Variants in HDGFL2 observed in about 807,000 individuals in gnomAD.
The protein encoded by HDGFL2 is hepatoma-derived growth factor-related protein 2.
Under a neutral mutation model 77.1 loss-of-function variants are expected in HDGFL2, and 36 were observed. The ratio of observed to expected loss-of-function variants is 0.47; its 90% CI spans 0.36 to 0.62. HDGFL2 has a LOEUF of 0.62. Among genes scored for constraint, HDGFL2 ranks in the 20% least tolerant of loss-of-function variants. The probability of loss-of-function intolerance (pLI) is 0.00; values close to 1 mark genes in which losing one functional copy is unlikely to be tolerated. For missense variants in HDGFL2, 976 were observed against 973.4 expected (o/e 1.00, Z -0.04); for synonymous variants, 463 against 413.1 (o/e 1.12, Z -1.46).
intron 12 of HDGFL2, 137 bp downstream of exon 12, chr19:4,498,513 T>C: frequency 1.4e-6 from 1 of 718,436 alleles, no homozygotes; most frequent in South Asian, 1.6e-5. Context: ...CGGTTGCTAG[T>C]GAGCGCATGG....
chr19:4,491,899 T>C (rs990318777), intron 6 of HDGFL2, 64 bp downstream of exon 6: 2 of 1,440,744 alleles, frequency 1.4e-6, no homozygotes, highest in Non-Finnish European at 1.9e-6. Flanking sequence ...TCTCCAGTGC[T>C]GTCCCCAGGG....
Position 4,494,042 on chromosome 19 carries a change from G to A in HDGFL2, c.899G>A (p.Ser300Asn), listed in dbSNP as rs919961927. 1.9e-5 allele frequency: 30 copies of A among 1,609,110 alleles called. No homozygotes were observed. The highest frequency in any genetic ancestry group is 2.5e-5 in the Non-Finnish European group (29 of 1,178,360). Residue 300 changes from serine to asparagine, a missense_variant, in exon 8 of 16, where the codon AGC becomes AAC. Around this residue, in one of 5 missense-constraint regions of HDGFL2, gnomAD observed 567 missense variants for 534.7 expected, o/e 1.06. Transcript: ENST00000616600. The part of the protein sequence containing the change: ...RKPKPERPPS[S>N]SSSDSDSDEV... Reference sequence around the variant, plus strand: ...CCGAAGCCTGAACGGCCTCCGTCCAGCTCCAGCAGTGACAGGTGGGTGCTG... The same window carrying A: ...CCGAAGCCTGAACGGCCTCCGTCCAACTCCAGCAGTGACAGGTGGGTGCTG...
chr19:4,483,892 C>T lies in HDGFL2; in HGVS notation c.289-4784C>T, dbSNP rs557738395. On this transcript the variant is annotated intron_variant, in intron 3 of 15. Transcript: ENST00000616600. ...GCAACCTCTGCCTCTCGTGTTCAAG[C>T]GATTCTCCTGCCTCAGCCTCCTGAG... 8.7e-5 allele frequency among the ~76,000 whole-genome samples: 13 copies of T among 148,732 alleles called. No homozygotes were observed. In the East Asian group the frequency reaches 1.6e-3, roughly 18 times the overall value.
intron 3 of HDGFL2, among the ~76,000 whole-genome samples, chr19:4,479,398 T>A (rs958972299): frequency 1.3e-5 from 2 of 149,256 alleles, no homozygotes; most frequent in Non-Finnish European, 3.0e-5. Flanking sequence ...CCTGGCTAAC[T>A]TGGTGAAACC....
At chr19:4,497,020 A>G (rs980609247) in intron 10 of HDGFL2, 4 of 381,176 alleles carry the variant, frequency 1.0e-5, no homozygotes, top group Non-Finnish European at 2.1e-5. Context: ...GATTACAGGC[A>G]CCCGCCACCA....
At position 4,475,523 on chromosome 19, in the gene HDGFL2, C is replaced by T; in HGVS notation, c.228C>T (p.Gly76=). 6.2e-7 allele frequency: 1 copy of T among 1,603,172 alleles called. No individual in the cohort carries two copies. The highest frequency in any genetic ancestry group is 8.5e-7 in the Non-Finnish European group (1 of 1,177,224). Residue 76 remains glycine (G), a synonymous_variant, in exon 3 of 16, where the codon GGC becomes GGT. Transcript: ENST00000616600. Reference sequence around the variant, plus strand: ...ACGGGAAGCCCAACAAGAGGAAAGGCTTCAATGAAGGGCTGTGGGAGATCC... The same window carrying T: ...ACGGGAAGCCCAACAAGAGGAAAGGTTTCAATGAAGGGCTGTGGGAGATCC... The part of the protein sequence containing the change: ...DKYGKPNKRK[G]FNEGLWEIQN...
At chr19:4,501,745 A>T in intron 15 of HDGFL2, 166 bp from the exon 16 acceptor site, 1 of 548,304 alleles carries the variant, frequency 1.8e-6, no homozygotes, top group East Asian at 3.2e-5. Flanking sequence ...GACCCTGGAG[A>T]TGGTTGTGGT....
intron 3 of HDGFL2, among the ~76,000 whole-genome samples, chr19:4,478,041 CTG>C (rs1472074834): frequency 4.1e-5 from 6 of 144,696 alleles, no homozygotes; most frequent in Non-Finnish European, 7.5e-5. Flanking sequence ...GATTGTGCCA[CTG>C]TACTCCAGCC....
At chr19:4,491,726 G>A in intron 5 of HDGFL2, 38 bp from the exon 6 acceptor site, 2 of 1,613,298 alleles carry the variant, frequency 1.2e-6, no homozygotes, top group Middle Eastern at 1.7e-4. Flanking sequence ...CGTGGTGGCT[G>A]CCAGTGGGCC....
rs1195901451 is a variant in HDGFL2, at chr19:4,481,130, T to C, written c.288+5547T>C. Among the ~76,000 whole-genome samples, 6 of 150,162 alleles carry C rather than the reference T, an allele frequency of 4.0e-5. No homozygotes were observed. In the South Asian group the frequency reaches 6.3e-4, roughly 16 times the overall value. The stretch of plus-strand genomic sequence containing the variant: ...TCCGCCTCCTGGGTTCACGCTATTC[T>C]CCTGCCTCAGCCTCCCGAGTAGCTG... On this transcript the variant is annotated intron_variant, in intron 3 of 15. Coordinates refer to ENST00000616600, the MANE Select transcript of HDGFL2 (RefSeq NM_001001520.3).
rs772471793 is a variant in HDGFL2 at position 4,493,801 on chromosome 19, T to TTCCTCC, written c.787_792dup (p.Ser263_Ser264dup). ...CGCGGTCGGCGTCCTCCTCCTCCTC[T>TTCCTCC]TCCTCCTCCTCCTCCGACTCCGATG... On this transcript the variant is annotated inframe_insertion, in exon 7 of 16. Transcript: ENST00000616600. 8 of 1,539,654 alleles carry TTCCTCC rather than the reference T, an allele frequency of 5.2e-6. No homozygotes were observed. Among genetic ancestry groups the TTCCTCC allele is most frequent in the African/African-American group, 1.4e-5 (1 of 72,694 alleles).
At chr19:4,486,973 T>A (rs1159249271) in intron 3 of HDGFL2, among the ~76,000 whole-genome samples, 1 of 124,432 alleles carries the variant, frequency 8.0e-6, no homozygotes. Context: ...TCTCTCTCTC[T>A]TTTTTTTTTT....
intron 9 of HDGFL2, among the ~76,000 whole-genome samples, chr19:4,495,574 A>G (rs1599721279): frequency 6.6e-6 from 1 of 151,598 alleles, no homozygotes; most frequent in Non-Finnish European, 1.5e-5. Context: ...GGAGAGAGGG[A>G]AAAGGAGGGC....
At chr19:4,477,782 T>C (rs753523672) in intron 3 of HDGFL2, among the ~76,000 whole-genome samples, 8 of 152,066 alleles carry the variant, frequency 5.3e-5, no homozygotes, top group Non-Finnish European at 7.4e-5. Context: ...GGAACGTGTG[T>C]TTAAGATGCA....
intron 3 of HDGFL2, among the ~76,000 whole-genome samples, chr19:4,482,026 CTTTTTTT>C (rs34398630): frequency 2.5e-4 from 18 of 71,664 alleles, no homozygotes; most frequent in African/African-American, 1.0e-3. Context: ...TGGCTTTGGC[CTTTTTTT>C]TTTTTTTTTT....
rs200105993 is a variant in HDGFL2 at position 4,501,316 on chromosome 19, G to A, written c.1915G>A (p.Asp639Asn). 4.1e-4 allele frequency: 656 copies of A among 1,596,012 alleles called. No individual in the cohort carries two copies. The highest frequency in any genetic ancestry group is 1.0e-3 in the Middle Eastern group (6 of 5,758). The change falls in exon 15 of 16, where the codon GAC (aspartate) becomes AAC (asparagine). Residue 639 changes from aspartate to asparagine, a missense_variant and splice_region_variant. Physicochemically the swap from Asp to Asn is conservative, Grantham distance 23 (BLOSUM62 1). Around this residue, in one of 5 missense-constraint regions of HDGFL2, gnomAD observed 229 missense variants for 187.3 expected, o/e 1.22. Coordinates refer to ENST00000616600, the MANE Select transcript of HDGFL2 (RefSeq NM_001001520.3). ...PRCGSSEDLH[D>N]SVREGPDLDR... is the part of the protein sequence containing the mutation. Reference sequence around the variant, plus strand: ...GTGTGGCTCCTCTGAAGACCTGCACGAGTGAGTGTCCCGGGCCGTGGGGTT... The same window carrying A: ...GTGTGGCTCCTCTGAAGACCTGCACAAGTGAGTGTCCCGGGCCGTGGGGTT...
At chr19:4,486,933 T>G (rs1975377166) in intron 3 of HDGFL2, among the ~76,000 whole-genome samples, 1 of 151,620 alleles carries the variant, frequency 6.6e-6, no homozygotes, top group Non-Finnish European at 1.5e-5. Flanking sequence ...CCGAGGGGCC[T>G]CCTCGATCAC....
At chr19:4,492,965 C>G (rs749101574) in intron 6 of HDGFL2, among the ~76,000 whole-genome samples, 9,036 of 98,042 alleles carry the variant, frequency 0.092, 365 homozygotes, top group African/African-American at 0.14. Context: ...TGTGAGTTGT[C>G]TGTGGTGTGT....
At chr19:4,475,068 G>C (rs1011306588) in intron 1 of HDGFL2, 1 of 580,524 alleles carries the variant, frequency 1.7e-6, no homozygotes, top group Non-Finnish European at 3.1e-6. Flanking sequence ...CGTCCCTGGG[G>C]TAGGGGGAGA....
Sources: gnomAD v4.1 joint callset for allele counts (sites outside exome capture counted in the v4.1 genomes callset) on GRCh38, gnomAD v4.1.1 for gene constraint, gnomAD v4.1.1 regional missense constraint, MANE v1.5 for transcripts, NCBI Gene and HGNC (gene_info 2026-07-23, HGNC 2026-07-21) for gene names.